Variants in PDE4B observed in about 807,000 individuals in gnomAD.
PDE4B encodes 3',5'-cyclic-AMP phosphodiesterase 4B.
In PDE4B, 20 loss-of-function variants were observed where a neutral mutation model predicts 82.2. That is an observed-to-expected ratio of 0.24 (90% CI 0.17 to 0.35). The LOEUF (loss-of-function observed/expected upper bound fraction) is 0.35. Among genes scored for constraint, PDE4B ranks in the 10% least tolerant of loss-of-function variants. The pLI is 1.00. For missense variants in PDE4B, 655 were observed against 907.2 expected (o/e 0.72, Z 3.57); for synonymous variants, 320 against 318.9 (o/e 1.00, Z -0.04).
At chr1:65,837,416 A>G (rs1474855403) in intron 1 of PDE4B, among the ~76,000 whole-genome samples, 1 of 152,058 alleles carries the variant, frequency 6.6e-6, no homozygotes, top group Non-Finnish European at 1.5e-5. Context: ...TACTAAAGAG[A>G]CAGGGGCAAA....
intron 7 of PDE4B, among the ~76,000 whole-genome samples, chr1:66,288,691 G>T (rs1367894249): frequency 6.6e-6 from 1 of 152,098 alleles, no homozygotes; most frequent in East Asian, 1.9e-4. Context: ...GGGTTTGTGG[G>T]CTAGAAATAT....
chr1:66,102,925 A>G (rs1645255549), intron 3 of PDE4B, among the ~76,000 whole-genome samples: 2 of 152,106 alleles, frequency 1.3e-5, no homozygotes, highest in South Asian at 2.1e-4. Context: ...CATTACAGGT[A>G]TGTATACCAG....
chr1:66,258,804 C>T (rs1385078510), intron 6 of PDE4B, among the ~76,000 whole-genome samples: 2 of 152,222 alleles, frequency 1.3e-5, no homozygotes, highest in African/African-American at 4.8e-5. Flanking sequence ...CACACATTTT[C>T]ATAGAATAGT....
chr1:65,972,161 T>C (rs1238891734), intron 3 of PDE4B, among the ~76,000 whole-genome samples: 1 of 152,192 alleles, frequency 6.6e-6, no homozygotes, highest in East Asian at 1.9e-4. Flanking sequence ...TTTCTAAACA[T>C]TTAGGTCCCT....
intron 3 of PDE4B, among the ~76,000 whole-genome samples, chr1:66,245,973 C>A (rs1653283759): frequency 6.6e-6 from 1 of 152,144 alleles, no homozygotes; most frequent in Non-Finnish European, 1.5e-5. Context: ...GCCAAGGTTG[C>A]TTATAGTCTA....
At chr1:66,316,029 A>G (rs756972323) in intron 7 of PDE4B, among the ~76,000 whole-genome samples, 25 of 152,240 alleles carry the variant, frequency 1.6e-4, no homozygotes, top group Non-Finnish European at 2.8e-4. Context: ...TAGCCTATTC[A>G]GTTTCAGAAA....
chr1:66,043,733 C>T (rs543859544), intron 3 of PDE4B, among the ~76,000 whole-genome samples: 1 of 151,852 alleles, frequency 6.6e-6, no homozygotes, highest in Non-Finnish European at 1.5e-5. Flanking sequence ...TGCACAAACA[C>T]TTGGAACTGT....
intron 3 of PDE4B, chr1:66,049,005 G>A (rs972321309): frequency 6.6e-6 from 1 of 151,970 alleles, no homozygotes; most frequent in African/African-American, 2.4e-5. Flanking sequence ...ATCCAGTAAT[G>A]CATTGGCCCC....
chr1:66,069,878 A>T (rs1482323134), intron 3 of PDE4B, among the ~76,000 whole-genome samples: 2 of 152,010 alleles, frequency 1.3e-5, no homozygotes, highest in Non-Finnish European at 2.9e-5. Flanking sequence ...ACTTATATTT[A>T]TGATTACAAA....
At chr1:65,965,508 G>A (rs887033568) in intron 3 of PDE4B, among the ~76,000 whole-genome samples, 2 of 74,198 alleles carry the variant, frequency 2.7e-5, no homozygotes, top group Non-Finnish European at 5.2e-5. Context: ...ACAGTTCCAG[G>A]AATCTTGTGA....
At chr1:66,051,938 C>CTT (rs1241561837) in intron 3 of PDE4B, among the ~76,000 whole-genome samples, 1 of 152,170 alleles carries the variant, frequency 6.6e-6, no homozygotes, top group Non-Finnish European at 1.5e-5. Context: ...GGGCAGCCTA[C>CTT]TTTCATAGCT....
intron 7 of PDE4B, among the ~76,000 whole-genome samples, chr1:66,274,889 T>C (rs1655764797): frequency 6.6e-6 from 1 of 152,224 alleles, no homozygotes; most frequent in Admixed American, 6.5e-5. Flanking sequence ...TAGAAGGTTC[T>C]GGTCTACTTT....
chr1:66,352,659 A>AT (rs1343933771), intron 8 of PDE4B, among the ~76,000 whole-genome samples: 1 of 152,222 alleles, frequency 6.6e-6, no homozygotes, highest in Non-Finnish European at 1.5e-5. Flanking sequence ...TAATATATCT[A>AT]TTCCTACTAG....
rs764914134 is a variant in PDE4B at position 65,886,487 on chromosome 1, T to A, written c.-70-26758T>A. 1.6e-4 allele frequency among the ~76,000 whole-genome samples: 24 copies of A among 152,186 alleles called. 1 individual carries two copies. The highest frequency in any genetic ancestry group is 7.3e-5 in the Non-Finnish European group (5 of 68,028). ...AACATTAGAACTTATTCCTTCTATC[T>A]AACTCTATGCCTGTACTCATAACCA... is the stretch of plus-strand genomic sequence containing the variant. On this transcript the variant is annotated intron_variant, in intron 1 of 16. Transcript: ENST00000341517.
chr1:66,312,294 C>A (rs1351895792), intron 7 of PDE4B, among the ~76,000 whole-genome samples: 4 of 152,188 alleles, frequency 2.6e-5, no homozygotes, highest in Non-Finnish European at 4.4e-5. Flanking sequence ...AAATATTACA[C>A]AAACTTAGTG....
chr1:66,333,887 AAAG>A (rs1228691970), intron 8 of PDE4B, among the ~76,000 whole-genome samples: 1 of 152,210 alleles, frequency 6.6e-6, no homozygotes, highest in African/African-American at 2.4e-5. Flanking sequence ...AGGGAAAAAA[AAAG>A]AAAAGAACAC....
At chr1:66,004,114 T>C (rs1377315188) in intron 3 of PDE4B, among the ~76,000 whole-genome samples, 1 of 152,176 alleles carries the variant, frequency 6.6e-6, no homozygotes, top group Non-Finnish European at 1.5e-5. Flanking sequence ...AGAAAAACTC[T>C]ACTTGTATTT....
At chr1:66,279,942 C>T (rs1029504323) in intron 7 of PDE4B, among the ~76,000 whole-genome samples, 4 of 152,094 alleles carry the variant, frequency 2.6e-5, no homozygotes, top group African/African-American at 9.7e-5. Context: ...CCTTTCACAG[C>T]CAACACCTAG....
At chr1:66,088,339 C>A (rs1254792771) in intron 3 of PDE4B, among the ~76,000 whole-genome samples, 5 of 151,946 alleles carry the variant, frequency 3.3e-5, no homozygotes. Flanking sequence ...CTCTGAGTAT[C>A]CAACTGGAGA....
Sources: allele counts gnomAD v4.1 joint callset (sites outside exome capture counted in the v4.1 genomes callset), GRCh38; gene constraint gnomAD v4.1.1; transcripts MANE v1.5; gene names NCBI Gene and HGNC (gene_info 2026-07-23, HGNC 2026-07-21).